Variants in ENDOD1 observed in about 807,000 individuals in gnomAD.
ENDOD1 encodes the protein endonuclease domain-containing 1 protein.
In ENDOD1, 9 loss-of-function variants were observed where a neutral mutation model predicts 6.5. The ratio of observed to expected loss-of-function variants is 1.39; its 90% CI spans 0.84 to 2.43. The LOEUF (loss-of-function observed/expected upper bound fraction) is 2.43, where lower values mean the gene tolerates loss of function less well. Among genes scored for constraint, ENDOD1 ranks in the 30% most tolerant of loss-of-function variants. ENDOD1 has a pLI of 0.00. For synonymous variants in ENDOD1, 255 were observed against 255.2 expected (o/e 1.00, Z 0.01); for missense variants, 648 against 635.5 (o/e 1.02, Z -0.21).
intron 1 of ENDOD1, among the ~76,000 whole-genome samples, chr11:95,120,800 CT>C (rs1859255843): frequency 2.0e-5 from 3 of 152,276 alleles, no homozygotes; most frequent in African/African-American, 7.2e-5. Context: ...GTCCATAGCA[CT>C]TTAGCCTACA....
At chr11:95,102,314 A>C (rs1859048112) in intron 1 of ENDOD1, among the ~76,000 whole-genome samples, 1 of 151,760 alleles carries the variant, frequency 6.6e-6, no homozygotes. Flanking sequence ...AATTTTATTA[A>C]CCTCAAATTA....
At chr11:95,125,210 C>T (rs1052820208) in intron 1 of ENDOD1, among the ~76,000 whole-genome samples, 1 of 152,118 alleles carries the variant, frequency 6.6e-6, no homozygotes, top group East Asian at 1.9e-4. Context: ...CTTTAGATTC[C>T]CCTAGAAGGA....
At chr11:95,111,686 A>G (rs762522749) in intron 1 of ENDOD1, among the ~76,000 whole-genome samples, 109 of 152,126 alleles carry the variant, frequency 7.2e-4, no homozygotes, top group Non-Finnish European at 1.4e-3. Flanking sequence ...TTAGACGGTG[A>G]TGCAAGTGTT....
intron 1 of ENDOD1, among the ~76,000 whole-genome samples, chr11:95,126,517 A>G (rs553240365): frequency 5.9e-4 from 90 of 152,244 alleles, no homozygotes; most frequent in Non-Finnish European, 1.1e-3. Flanking sequence ...CCAGGAATCA[A>G]ACAACCATGT....
intron 1 of ENDOD1, among the ~76,000 whole-genome samples, chr11:95,126,021 C>T (rs1174213508): frequency 6.6e-6 from 1 of 152,128 alleles, no homozygotes; most frequent in African/African-American, 2.4e-5. Flanking sequence ...ATCTCCACAC[C>T]AACTTCCTCT....
chr11:95,102,761 T>C (rs1555111023), intron 1 of ENDOD1, among the ~76,000 whole-genome samples: 1 of 152,246 alleles, frequency 6.6e-6, no homozygotes, highest in East Asian at 1.9e-4. Flanking sequence ...AGAGTTATTA[T>C]GTTACGGAAA....
chr11:95,114,159 C>T (rs868940926), intron 1 of ENDOD1, among the ~76,000 whole-genome samples: 1 of 152,162 alleles, frequency 6.6e-6, no homozygotes, highest in Non-Finnish European at 1.5e-5. Flanking sequence ...GAGACAGGCT[C>T]TCACTCTGAT....
At chr11:95,091,622 A>G (rs984092444) in intron 1 of ENDOD1, among the ~76,000 whole-genome samples, 5 of 152,210 alleles carry the variant, frequency 3.3e-5, no homozygotes, top group Admixed American at 6.5e-5. Flanking sequence ...CCTTGATCTC[A>G]TGGACAGCTT....
intron 1 of ENDOD1, among the ~76,000 whole-genome samples, chr11:95,116,794 T>C (rs1555112529): frequency 2.6e-5 from 4 of 152,230 alleles, no homozygotes. Context: ...TGTATTTGTA[T>C]AGTTTCCAAA....
At chr11:95,098,314 T>A (rs1368776208) in intron 1 of ENDOD1, among the ~76,000 whole-genome samples, 3 of 152,188 alleles carry the variant, frequency 2.0e-5, no homozygotes, top group African/African-American at 7.2e-5. Flanking sequence ...CTTCAAAATT[T>A]GTTAAGAGAG....
chr11:95,124,091 A>C (rs921301942), intron 1 of ENDOD1, among the ~76,000 whole-genome samples: 1 of 152,206 alleles, frequency 6.6e-6, no homozygotes, highest in Non-Finnish European at 1.5e-5. Context: ...TCTTAAAGGA[A>C]CTTTAAAAAT....
Position 95,116,775 on chromosome 11 carries a change from T to C in ENDOD1, c.301-11602T>C, listed in dbSNP as rs1401663932. Among the ~76,000 whole-genome samples, 4 of 152,222 alleles carry C rather than the reference T, an allele frequency of 2.6e-5. No individual in the cohort carries two copies. The East Asian group carries it at 7.7e-4, about 29-fold the overall frequency. On this transcript the variant is annotated intron_variant, in intron 1 of 1. Coordinates refer to ENST00000278505, the MANE Select transcript of ENDOD1 (RefSeq NM_015036.3). ...ACTGGTCATTCAGGAGCATACTGTT[T>C]AATTTCCATGTATTTGTATAGTTTC...
chr11:95,105,208 G>A (rs1859078074), intron 1 of ENDOD1, among the ~76,000 whole-genome samples: 1 of 152,194 alleles, frequency 6.6e-6, no homozygotes. Context: ...GGAAACTACA[G>A]TTGTTTCTTG....
At chr11:95,112,084 A>G (rs1859156583) in intron 1 of ENDOD1, among the ~76,000 whole-genome samples, 1 of 152,274 alleles carries the variant, frequency 6.6e-6, no homozygotes, top group South Asian at 2.1e-4. Flanking sequence ...CTAATCACCA[A>G]AGGCCTAGGC....
At chr11:95,096,828 G>T (rs1462497512) in intron 1 of ENDOD1, among the ~76,000 whole-genome samples, 2 of 152,116 alleles carry the variant, frequency 1.3e-5, no homozygotes, top group Non-Finnish European at 2.9e-5. Flanking sequence ...CTCTCATAGG[G>T]TTTATATCTA....
At position 95,107,721 on chromosome 11, in the gene ENDOD1, C is replaced by T. The variant is rs189248066; in HGVS notation, c.300+17494C>T. On this transcript the variant is annotated intron_variant, in intron 1 of 1. Coordinates refer to ENST00000278505, the MANE Select transcript of ENDOD1 (RefSeq NM_015036.3). ...TGTCACCCAGGCTGGAGTGCAGTGG[C>T]GCGATCTCGGCTCACTGCAACTTCT... Among the ~76,000 whole-genome samples the T allele has an allele frequency of 7.4e-3, 1,127 of 152,002 alleles. 4 individuals are homozygous for T. Among genetic ancestry groups the T allele is most frequent in the Non-Finnish European group, 0.013 (911 of 67,954 alleles).
intron 1 of ENDOD1, among the ~76,000 whole-genome samples, chr11:95,100,452 G>T (rs1486909411): frequency 1.3e-5 from 2 of 151,934 alleles, no homozygotes; most frequent in African/African-American, 4.8e-5. Context: ...CAACTTGCAG[G>T]TCTTTAACTC....
intron 1 of ENDOD1, among the ~76,000 whole-genome samples, chr11:95,127,310 T>G (rs1475346785): frequency 6.6e-6 from 1 of 152,208 alleles, no homozygotes; most frequent in African/African-American, 2.4e-5. Context: ...AATATTGAAT[T>G]TTTTTATAAA....
At chr11:95,090,607 C>G (rs1379583198) in intron 1 of ENDOD1, among the ~76,000 whole-genome samples, 1 of 152,188 alleles carries the variant, frequency 6.6e-6, no homozygotes, top group Admixed American at 6.5e-5. Flanking sequence ...CTAGGCTGGG[C>G]GCTCACAGGC....
Sources: allele counts gnomAD v4.1 joint callset (sites outside exome capture counted in the v4.1 genomes callset), GRCh38; gene constraint gnomAD v4.1.1; transcripts MANE v1.5; gene names NCBI Gene and HGNC (gene_info 2026-07-23, HGNC 2026-07-21).